Variants in EMSY observed in about 807,000 individuals in gnomAD.
The protein encoded by EMSY is BRCA2-interacting transcriptional repressor EMSY.
EMSY carries 26 observed loss-of-function variants against 134.6 expected under a neutral mutation model. The observed-to-expected ratio is 0.19, with a 90% CI of 0.14 to 0.27. The LOEUF (loss-of-function observed/expected upper bound fraction) is 0.27. Ranked by LOEUF, EMSY falls within the 10% of genes least tolerant of loss-of-function variation. EMSY has a pLI of 1.00. For synonymous variants in EMSY, 579 were observed against 577.8 expected (o/e 1.00, Z -0.03); for missense variants, 1,305 against 1,611.4 (o/e 0.81, Z 3.26).
chr11:76,470,341 G>T (rs1416961822), intron 7 of EMSY, among the ~76,000 whole-genome samples: 1 of 152,128 alleles, frequency 6.6e-6, no homozygotes, highest in African/African-American at 2.4e-5. Flanking sequence ...GAATAAAAAT[G>T]TGATACTACA....
At chr11:76,523,485 C>T (rs1019268323) in intron 12 of EMSY, among the ~76,000 whole-genome samples, 194 bp downstream of exon 13, 2 of 152,188 alleles carry the variant, frequency 1.3e-5, no homozygotes, top group Non-Finnish European at 2.9e-5. Flanking sequence ...GCATGTTGCT[C>T]ATACTTGCTC....
intron 2 of EMSY, among the ~76,000 whole-genome samples, chr11:76,447,742 A>G (rs77804677): frequency 0.012 from 1,872 of 152,314 alleles, 30 homozygotes; most frequent in African/African-American, 0.041. Context: ...AAATTGAGAA[A>G]AAGAGTTATT....
At chr11:76,505,487 A>G (rs1950038823) in intron 9 of EMSY, among the ~76,000 whole-genome samples, 1 of 151,502 alleles carries the variant, frequency 6.6e-6, no homozygotes, top group Non-Finnish European at 1.5e-5. Flanking sequence ...ATAGCGTGAT[A>G]AATACCATAT....
At chr11:76,490,233 TA>T (rs935840597) in intron 8 of EMSY, among the ~76,000 whole-genome samples, 7 of 150,786 alleles carry the variant, frequency 4.6e-5, no homozygotes, top group Admixed American at 6.6e-5. Context: ...TAGCTACACT[TA>T]AAAAAAAATA....
chr11:76,516,349 CCTT>C (rs1216614249), intron 11 of EMSY, 37 bp downstream of exon 12: 5 of 1,421,572 alleles, frequency 3.5e-6, no homozygotes, highest in Non-Finnish European at 4.7e-6. Flanking sequence ...GTATAGGTGG[CCTT>C]CATTGAGAGG....
chr11:76,516,750 T>C (rs537435286), intron 11 of EMSY: 1 of 152,352 alleles, frequency 6.6e-6, no homozygotes, highest in Non-Finnish European at 1.5e-5. Flanking sequence ...AGAACTCTTA[T>C]TTGTTCTGAA....
intron 7 of EMSY, among the ~76,000 whole-genome samples, 199 bp downstream of exon 8, chr11:76,464,279 T>C (rs540659480): frequency 2.0e-5 from 3 of 152,354 alleles, no homozygotes; most frequent in African/African-American, 7.2e-5. Context: ...GGCTTTGCGA[T>C]GTTAAATGAC....
chr11:76,544,541 T>C (rs2136760404), exon 19 of EMSY: 3 of 1,614,056 alleles, frequency 1.9e-6, no homozygotes, highest in Non-Finnish European at 2.5e-6. Context: ...GCCCCAGCTT[T>C]CCATCAGGCA....
In EMSY at chr11:76,544,775, A is replaced by G. The variant is rs574375087; in HGVS notation, c.3226A>G (p.Ser1076Gly). The G allele has an allele frequency of 9.3e-6, 15 of 1,614,134 alleles. No homozygotes were observed. In the East Asian group the frequency reaches 3.3e-4, roughly 36 times the overall value. The change falls in exon 19 of 21, where the codon AGC becomes GGC. Residue 1076 changes from serine to glycine, a missense_variant. Coordinates refer to ENST00000334736, the Ensembl canonical transcript of EMSY. ...CTACGTGCAACCCCAAACCCCCCAG[A>G]GCCAAATGTCGCTCCCAGCTTCTTC...
At position 76,550,343 on chromosome 11, in the gene EMSY, T is replaced by TA. The variant is rs986876946; in HGVS notation, c.*206dup. On this transcript the variant is annotated 3_prime_UTR_variant, in exon 21 of 21. Transcript: ENST00000334736. ...AAACTCACAGGGGAATGTACTTTTT[T>TA]AAAAAAAAATGAAAAAGAAAAAAAA... 235 of 357,188 alleles carry TA rather than the reference T, an allele frequency of 6.6e-4. 2 individuals are homozygous for TA. The highest frequency in any genetic ancestry group is 2.4e-3 in the East Asian group (57 of 24,104). The allele number at this position is 357,188 out of a possible 1,614,324, so 22.1% of individuals were successfully genotyped here.
intron 8 of EMSY, among the ~76,000 whole-genome samples, chr11:76,485,974 C>A (rs1222383633): frequency 1.3e-5 from 2 of 152,172 alleles, no homozygotes; most frequent in African/African-American, 4.8e-5. Flanking sequence ...CAGCCCTGTT[C>A]ACAATAGCAA....
At position 76,546,134 on chromosome 11, in the gene EMSY, A is replaced by G. The variant is rs770601449; in HGVS notation, c.3611A>G (p.Gln1204Arg). The change falls in exon 20 of 21, where the codon CAA (glutamine) becomes CGA (arginine). Residue 1204 changes from glutamine (Q) to arginine (R), a missense_variant. Gln to Arg is a conservative substitution (Grantham distance 43). Transcript: ENST00000334736. ...GGGATGGCGAATTCCACTCCCCAGC[A>G]ACAGAAATGTAGAGAGTCCTGTTCG... 9 of 1,614,218 alleles carry G rather than the reference A, an allele frequency of 5.6e-6. No homozygotes were observed. In the Admixed American group the frequency reaches 1.5e-4, roughly 27 times the overall value.
chr11:76,516,179 A>G, exon 11 of EMSY: 1 of 1,614,000 alleles, frequency 6.2e-7, no homozygotes, highest in Non-Finnish European at 8.5e-7. Context: ...CAGTGAGCCC[A>G]TCCATTGGTC....
chr11:76,466,714 A>G (rs181160776), intron 7 of EMSY, among the ~76,000 whole-genome samples: 32 of 152,304 alleles, frequency 2.1e-4, no homozygotes, highest in African/African-American at 7.2e-4. Flanking sequence ...ATGTAATTCT[A>G]TTTTCAGTCT....
chr11:76,469,341 C>T (rs1293666238), intron 7 of EMSY, among the ~76,000 whole-genome samples: 2 of 152,144 alleles, frequency 1.3e-5, no homozygotes, highest in African/African-American at 4.8e-5. Context: ...CTCCAGGAAG[C>T]TACTACAATT....
chr11:76,503,594 C>G (rs973081212), intron 9 of EMSY, among the ~76,000 whole-genome samples: 1 of 151,870 alleles, frequency 6.6e-6, no homozygotes, highest in Non-Finnish European at 1.5e-5. Flanking sequence ...TACATCACAC[C>G]GTATACAAAA....
At chr11:76,504,590 A>G (rs964037100) in intron 9 of EMSY, among the ~76,000 whole-genome samples, 1 of 152,138 alleles carries the variant, frequency 6.6e-6, no homozygotes, top group Non-Finnish European at 1.5e-5. Flanking sequence ...GGAATGTAAA[A>G]TGGTACTGTT....
exon 20 of EMSY, chr11:76,545,855 G>A (rs762190281): frequency 2.5e-5 from 40 of 1,613,812 alleles, no homozygotes; most frequent in Admixed American, 2.2e-4. Flanking sequence ...TTTGAGGGGC[G>A]CCAGCCTCCC....
At chr11:76,458,797 T>C (rs1947983562) in intron 5 of EMSY, 1 of 152,952 alleles carries the variant, frequency 6.5e-6, no homozygotes, top group South Asian at 2.1e-4. Context: ...ATGAATGTGC[T>C]GAATCCATTC....
Sources: allele counts gnomAD v4.1 joint callset (sites outside exome capture counted in the v4.1 genomes callset), GRCh38; gene constraint gnomAD v4.1.1; transcripts MANE v1.5; gene names NCBI Gene and HGNC (gene_info 2026-07-23, HGNC 2026-07-21).